The following C10orf88 variants were observed in gnomAD, a reference collection of about 807,000 sequenced individuals.
C10orf88 encodes ATPase PAAT.
C10orf88 carries 29 observed loss-of-function variants against 34.2 expected under a neutral mutation model. That is an observed-to-expected ratio of 0.85 (90% confidence interval 0.63 to 1.16). The LOEUF (loss-of-function observed/expected upper bound fraction) is 1.16. Among genes scored for constraint, C10orf88 ranks in the 50% most tolerant of loss-of-function variants. C10orf88 has a pLI of 0.00. For synonymous variants in C10orf88, 194 were observed against 197.4 expected (o/e 0.98, Z 0.15); for missense variants, 507 against 533.2 (o/e 0.95, Z 0.48).
chr10:122,937,610 AT>A, intron 5 of C10orf88, 94 bp downstream of exon 5: 1 of 1,143,100 alleles, frequency 8.7e-7, no homozygotes, highest in Non-Finnish European at 1.2e-6. Context: ...CTGGAAACAA[AT>A]TTTAGGCAGT....
In C10orf88 at chr10:122,938,324, G is replaced by A. The variant is rs544900181; in HGVS notation, c.649-165C>T. 2.3e-4 allele frequency among the ~76,000 whole-genome samples: 35 copies of A among 152,100 alleles called. 1 individual carries two copies. Among genetic ancestry groups the A allele is most frequent in the Admixed American group, 2.0e-3 (30 of 15,244 alleles). On this transcript the variant is annotated intron_variant, in intron 4 of 5. Coordinates refer to ENST00000481909, the MANE Select transcript of C10orf88 (RefSeq NM_024942.4). Reference sequence around the variant, plus strand: ...CCAATATTAAGCTGAGGAGACCAAGGCTAAAGGTACCTAGCCAAGGTAACC... The same window carrying A: ...CCAATATTAAGCTGAGGAGACCAAGACTAAAGGTACCTAGCCAAGGTAACC...
rs1462263345 is a variant in C10orf88, at chr10:122,931,183, C to T, written c.*1244G>A. The T allele has an allele frequency of 1.3e-5, 2 of 152,072 alleles. No homozygotes were observed. Among genetic ancestry groups the T allele is most frequent in the Admixed American group, 6.6e-5 (1 of 15,254 alleles). The allele number at this position is 152,072 out of a possible 1,614,324, so 9.4% of individuals were successfully genotyped here. ...TCAACTGTCATGGAGCTAGCAGGAGCGTTATTTAGCACAGAAATAAGATTA... is the reference window on the plus strand; with the variant it reads ...TCAACTGTCATGGAGCTAGCAGGAGTGTTATTTAGCACAGAAATAAGATTA... On this transcript the variant is annotated 3_prime_UTR_variant, in exon 6 of 6. Transcript: ENST00000481909.
intron 4 of C10orf88, 139 bp downstream of exon 4, chr10:122,948,509 CA>C (rs962722603): frequency 1.3e-6 from 1 of 771,142 alleles, no homozygotes; most frequent in African/African-American, 1.8e-5. Context: ...GCAAATCTAA[CA>C]AATGTTAACT....
At chr10:122,948,489 T>C (rs990700729) in intron 4 of C10orf88, among the ~76,000 whole-genome samples, 160 bp downstream of exon 4, 1 of 152,200 alleles carries the variant, frequency 6.6e-6, no homozygotes, top group African/African-American at 2.4e-5. Flanking sequence ...TCAAAACACT[T>C]TGTAGAAGGG....
chr10:122,934,702 T>C (rs1848518262), intron 5 of C10orf88, among the ~76,000 whole-genome samples: 3 of 152,206 alleles, frequency 2.0e-5, no homozygotes, highest in African/African-American at 7.2e-5. Flanking sequence ...GGTTGTACGG[T>C]AACTGTATGT....
Position 122,931,808 on chromosome 10 carries a change from T to A in C10orf88, c.*619A>T, listed in dbSNP as rs188918699. On this transcript the variant is annotated 3_prime_UTR_variant, in exon 6 of 6. Coordinates refer to ENST00000481909, the MANE Select transcript of C10orf88 (RefSeq NM_024942.4). ...GGAAAAATCAAATCCAAAGTACTAA[T>A]CGTAACAAGGACTAGGCTAGTTCTG... is the stretch of plus-strand genomic sequence containing the variant. The A allele has an allele frequency of 6.6e-6, 1 of 152,416 alleles. No individual in the cohort carries two copies. Among genetic ancestry groups the A allele is most frequent in the Non-Finnish European group, 1.5e-5 (1 of 68,020 alleles). 9.4% of individuals were successfully genotyped at this position (152,416 alleles called of 1,614,324 possible). A position where few individuals can be genotyped will look rare whatever the true frequency, so the allele number is the denominator to read the frequency against.
chr10:122,932,302 C>G lies in C10orf88; in HGVS notation c.*125G>C, dbSNP rs1032447882. 8 of 771,212 alleles carry G rather than the reference C, an allele frequency of 1.0e-5. No individual in the cohort carries two copies. Among genetic ancestry groups the G allele is most frequent in the East Asian group, 8.1e-5 (3 of 36,928 alleles). The allele number at this position is 771,212 out of a possible 1,614,324, so 47.8% of individuals were successfully genotyped here. A position where few individuals can be genotyped will look rare whatever the true frequency, so the allele number is the denominator to read the frequency against. ...GTGTAGTAAAAACGAAAACTGAGGT[C>G]ACTTTGTGTAAGACAATGATCCCTC... On this transcript the variant is annotated 3_prime_UTR_variant, in exon 6 of 6. Coordinates refer to ENST00000481909, the MANE Select transcript of C10orf88 (RefSeq NM_024942.4).
chr10:122,936,381 T>G (rs1249882653), intron 5 of C10orf88, among the ~76,000 whole-genome samples: 1 of 151,944 alleles, frequency 6.6e-6, no homozygotes, highest in African/African-American at 2.4e-5. Context: ...GTGTATCAAT[T>G]TTATTGAAAT....
At chr10:122,953,920 T>C in intron 1 of C10orf88, 95 bp downstream of exon 1, 1 of 1,161,030 alleles carries the variant, frequency 8.6e-7, no homozygotes, top group Non-Finnish European at 1.1e-6. Flanking sequence ...CTCTCCCGGA[T>C]CCCGGGCTCA....
chr10:122,932,387 A>G lies in C10orf88; in HGVS notation c.*40T>C. On this transcript the variant is annotated 3_prime_UTR_variant, in exon 6 of 6. Transcript: ENST00000481909. ...TTTGGGTTTTGGCTTTGTAATAAAT[A>G]TGTAATAAATATCTGCAGTACACTG... is the stretch of plus-strand genomic sequence containing the variant. 6.7e-7 allele frequency: 1 copy of G among 1,495,250 alleles called. No homozygotes were observed. Among genetic ancestry groups the G allele is most frequent in the Non-Finnish European group, 9.2e-7 (1 of 1,092,890 alleles). The allele number at this position is 1,495,250 out of a possible 1,614,324, so 92.6% of individuals were successfully genotyped here. A position where few individuals can be genotyped will look rare whatever the true frequency, so the allele number is the denominator to read the frequency against.
intron 3 of C10orf88, among the ~76,000 whole-genome samples, chr10:122,949,607 C>A (rs150127293): frequency 8.5e-5 from 13 of 152,170 alleles, no homozygotes; most frequent in Admixed American, 1.3e-4. Context: ...GATCACACTA[C>A]GCTGAATGAA....
chr10:122,945,040 G>GTGTA (rs1564722026), intron 4 of C10orf88, among the ~76,000 whole-genome samples: 2 of 149,938 alleles, frequency 1.3e-5, no homozygotes, highest in African/African-American at 4.9e-5. Flanking sequence ...GTATATATGT[G>GTGTA]TATATATATA....
intron 5 of C10orf88, among the ~76,000 whole-genome samples, chr10:122,936,581 C>T (rs963871693): frequency 2.6e-5 from 4 of 151,996 alleles, no homozygotes; most frequent in East Asian, 3.9e-4. Flanking sequence ...TGTAGCTTTA[C>T]GCTACTGATT....
intron 4 of C10orf88, among the ~76,000 whole-genome samples, chr10:122,940,609 T>C (rs1848573181): frequency 6.6e-6 from 1 of 152,058 alleles, no homozygotes; most frequent in Non-Finnish European, 1.5e-5. Flanking sequence ...TGAGAGCTCT[T>C]TAGATGATCT....
In C10orf88 at chr10:122,931,106, G is replaced by A. The variant is rs896479889; in HGVS notation, c.*1321C>T. On this transcript the variant is annotated 3_prime_UTR_variant, in exon 6 of 6. Transcript: ENST00000481909. The stretch of plus-strand genomic sequence containing the variant: ...GTGAACTTCCTAAAACCAGAGTGCT[G>A]CCTTCCTTTTTGTCCTTTCATGGCT... The A allele has an allele frequency of 3.9e-5, 6 of 152,320 alleles. No homozygotes were observed. Among genetic ancestry groups the A allele is most frequent in the African/African-American group, 1.4e-4 (6 of 41,588 alleles). 9.4% of individuals were successfully genotyped at this position (152,320 alleles called of 1,614,324 possible). A position where few individuals can be genotyped will look rare whatever the true frequency, so the allele number is the denominator to read the frequency against.
At chr10:122,935,978 C>T (rs1848531124) in intron 5 of C10orf88, among the ~76,000 whole-genome samples, 1 of 151,742 alleles carries the variant, frequency 6.6e-6, no homozygotes, top group Admixed American at 6.6e-5. Flanking sequence ...ATACTGACTT[C>T]ACAGAATGAG....
At chr10:122,946,141 T>C (rs1344457862) in intron 4 of C10orf88, among the ~76,000 whole-genome samples, 1 of 152,138 alleles carries the variant, frequency 6.6e-6, no homozygotes, top group Non-Finnish European at 1.5e-5. Flanking sequence ...CTTAATTTAT[T>C]ATTGAAAAAT....
rs923104855 is a variant in C10orf88 at position 122,954,065 on chromosome 10, G to A, written c.114C>T (p.Leu38=). ...CCTCCCAGTCGAAGTCACCGGGGCC[G>A]AGACCGGCCCGGGTGAGGAGGAGGC... ...THSLLLTRAG[L]GPGDFDWEEL... The change falls in exon 1 of 6, where the codon CTC becomes CTT. Residue 38 remains leucine (L), a synonymous_variant. Coordinates refer to ENST00000481909, the MANE Select transcript of C10orf88 (RefSeq NM_024942.4). 3 of 1,551,456 alleles carry A rather than the reference G, an allele frequency of 1.9e-6. No individual in the cohort carries two copies. Among genetic ancestry groups the A allele is most frequent in the East Asian group, 2.5e-5 (1 of 40,094 alleles).
At chr10:122,953,843 AC>A (rs1173856489) in intron 1 of C10orf88, among the ~76,000 whole-genome samples, 171 bp downstream of exon 1, 16 of 7,692 alleles carry the variant, frequency 2.1e-3, no homozygotes, top group Non-Finnish European at 3.2e-3. Context: ...GGCCGGACCC[AC>A]CCCCCTCCGC....
Sources: gnomAD v4.1 joint callset for allele counts (sites outside exome capture counted in the v4.1 genomes callset) on GRCh38, gnomAD v4.1.1 for gene constraint, MANE v1.5 for transcripts, NCBI Gene and HGNC (gene_info 2026-07-23, HGNC 2026-07-21) for gene names.